The following APP variants were observed in gnomAD, a reference collection of about 807,000 sequenced individuals.
APP encodes the protein amyloid beta precursor protein.
Under a neutral mutation model 101.4 loss-of-function variants are expected in APP, and 31 were observed. That is an observed-to-expected ratio of 0.31 (90% CI 0.23 to 0.41). APP has a LOEUF of 0.41. Ranked by LOEUF, APP falls within the 10% of genes least tolerant of loss-of-function variation. The probability of loss-of-function intolerance (pLI) is 1.00; values close to 1 mark genes in which losing one functional copy is unlikely to be tolerated. For missense variants in APP, 839 were observed against 1,003.7 expected, an observed-to-expected ratio of 0.84 and a Z score of 2.22; for synonymous variants, 366 against 364.4, an observed-to-expected ratio of 1.00 and a Z score of -0.05.
chr21:26,088,988 C>A (rs1393855939), intron 3 of APP, among the ~76,000 whole-genome samples: 1 of 152,208 alleles, frequency 6.6e-6, no homozygotes, highest in Non-Finnish European at 1.5e-5. Context: ...CCATATATTA[C>A]ATAGATCTCC....
At chr21:26,129,620 C>T (rs2146268067) in intron 1 of APP, among the ~76,000 whole-genome samples, 1 of 152,188 alleles carries the variant, frequency 6.6e-6, no homozygotes, top group East Asian at 1.9e-4. Flanking sequence ...TTATCACATC[C>T]CTGGATTCCT....
chr21:26,035,592 T>C (rs996539974), intron 5 of APP, among the ~76,000 whole-genome samples: 3 of 152,332 alleles, frequency 2.0e-5, no homozygotes, highest in Non-Finnish European at 2.9e-5. Context: ...TAAGGCTTCA[T>C]TGTTTTCTCT....
At chr21:26,053,412 A>T in intron 3 of APP, 64 bp from the exon 4 acceptor site, 1 of 1,193,838 alleles carries the variant, frequency 8.4e-7, no homozygotes, top group Admixed American at 1.7e-5. Flanking sequence ...ACCGCAGAAG[A>T]CATCAAGGAA....
intron 16 of APP, among the ~76,000 whole-genome samples, chr21:25,895,355 G>A (rs2037968204): frequency 6.6e-6 from 1 of 151,950 alleles, no homozygotes; most frequent in African/African-American, 2.4e-5. Flanking sequence ...TAGTAGAGAT[G>A]GCATTTCACC....
chr21:26,047,246 A>G lies in APP; in HGVS notation c.662+3754T>C, dbSNP rs116721078. On this transcript the variant is annotated intron_variant, in intron 5 of 17. Transcript: ENST00000346798. ...AGAAAAACACTCATCTTCTATCAAAACAAGCCTCATTAACTACCAAACAAC... is the reference window on the plus strand; with the variant it reads ...AGAAAAACACTCATCTTCTATCAAAGCAAGCCTCATTAACTACCAAACAAC... Among the ~76,000 whole-genome samples, 409 of 152,338 alleles carry G rather than the reference A, an allele frequency of 2.7e-3. 1 individual carries two copies. Among genetic ancestry groups the G allele is most frequent in the African/African-American group, 9.5e-3 (394 of 41,582 alleles).
chr21:26,094,885 G>A (rs537039811), intron 2 of APP, among the ~76,000 whole-genome samples: 3 of 150,318 alleles, frequency 2.0e-5, no homozygotes, highest in South Asian at 2.1e-4. Flanking sequence ...TCACTCTGTC[G>A]CCCAGGTTGC....
chr21:26,160,260 A>G (rs1286181633), intron 1 of APP, among the ~76,000 whole-genome samples: 1 of 152,158 alleles, frequency 6.6e-6, no homozygotes, highest in Non-Finnish European at 1.5e-5. Flanking sequence ...ACCCTCCACA[A>G]TTCAACTAGC....
chr21:25,928,158 C>T (rs182538459), intron 13 of APP, among the ~76,000 whole-genome samples: 7 of 151,562 alleles, frequency 4.6e-5, no homozygotes, highest in African/African-American at 9.7e-5. Flanking sequence ...TCCTGGCTAA[C>T]GAGGTGAAAT....
intron 13 of APP, chr21:25,942,413 GAAAA>G (rs2040613981): frequency 1.3e-5 from 2 of 152,168 alleles, no homozygotes; most frequent in Non-Finnish European, 2.9e-5. Context: ...TGAACGAGCT[GAAAA>G]CTAAGATTCT....
chr21:26,010,361 A>G (rs1229082205), intron 6 of APP, among the ~76,000 whole-genome samples: 1 of 152,194 alleles, frequency 6.6e-6, no homozygotes, highest in Non-Finnish European at 1.5e-5. Flanking sequence ...TACATTACAC[A>G]TTTTATCAAA....
intron 7 of APP, among the ~76,000 whole-genome samples, chr21:25,998,393 A>G (rs893687473): frequency 9.3e-5 from 14 of 150,992 alleles, no homozygotes; most frequent in Non-Finnish European, 1.6e-4. Context: ...AGAGCCAGAA[A>G]AAAAAAAAAA....
intron 5 of APP, 68 bp from the exon 6 acceptor site, chr21:26,022,110 C>T (rs1453643909): frequency 2.6e-6 from 4 of 1,567,334 alleles, no homozygotes; most frequent in South Asian, 2.2e-5. Flanking sequence ...AAAGAAAAGT[C>T]GTCCATATGG....
At chr21:26,099,036 G>T (rs1049709801) in intron 2 of APP, among the ~76,000 whole-genome samples, 1 of 152,050 alleles carries the variant, frequency 6.6e-6, no homozygotes, top group Non-Finnish European at 1.5e-5. Context: ...AGATGGGAGG[G>T]TTCATTTTAC....
rs377605504 is a variant in APP at position 25,974,670 on chromosome 21, T to G, written c.1458+400A>C. Among the ~76,000 whole-genome samples the G allele has an allele frequency of 8.5e-5, 13 of 152,356 alleles. No individual in the cohort carries two copies. In the South Asian group the frequency reaches 2.7e-3, roughly 32 times the overall value. ...GCAACTGTGAGAAATAAACTTCTGT[T>G]GCTGATAAGGTACCCAGTCTATGGT... On this transcript the variant is annotated intron_variant, in intron 11 of 17. Coordinates refer to ENST00000346798, the MANE Select transcript of APP (RefSeq NM_000484.4).
chr21:26,049,154 G>C (rs890220722), intron 5 of APP, among the ~76,000 whole-genome samples: 2 of 152,174 alleles, frequency 1.3e-5, no homozygotes, highest in African/African-American at 4.8e-5. Context: ...AGAATTATCT[G>C]GGAGGAGGGT....
chr21:26,063,220 G>A (rs2046339881), intron 3 of APP, among the ~76,000 whole-genome samples: 1 of 152,168 alleles, frequency 6.6e-6, no homozygotes, highest in Non-Finnish European at 1.5e-5. Flanking sequence ...GGATGAACTT[G>A]TATTTAGCTT....
intron 11 of APP, among the ~76,000 whole-genome samples, chr21:25,968,320 A>ATT (rs2041875216): frequency 7.0e-6 from 1 of 142,192 alleles, no homozygotes; most frequent in African/African-American, 2.7e-5. Context: ...AATTAAAAAA[A>ATT]TCTTTTTTTT....
In APP at chr21:25,881,711, C is replaced by T; in HGVS notation, c.2272G>A (p.Glu758Lys). Reference sequence around the variant, plus strand: ...TCAAAGAACTTGTAGGTTGGATTTTCGTAGCCGTTCTGCTGCATCTTGGAC... The same window carrying T: ...TCAAAGAACTTGTAGGTTGGATTTTTGTAGCCGTTCTGCTGCATCTTGGAC... The part of the protein sequence containing the change: ...HLSKMQQNGY[E>K]NPTYKFFEQM... The change falls in exon 18 of 18, where the codon GAA becomes AAA. Residue 758 changes from glutamate to lysine, a missense_variant. Physicochemically the swap from Glu to Lys is moderately conservative, Grantham distance 56 (BLOSUM62 1). Transcript: ENST00000346798. The T allele has an allele frequency of 6.2e-7, 1 of 1,613,970 alleles. No homozygotes were observed. The highest frequency in any genetic ancestry group is 8.5e-7 in the Non-Finnish European group (1 of 1,180,032).
intron 15 of APP, among the ~76,000 whole-genome samples, chr21:25,902,224 CA>C (rs2038538133): frequency 6.6e-6 from 1 of 152,104 alleles, no homozygotes; most frequent in South Asian, 2.1e-4. Flanking sequence ...AGTGATTATT[CA>C]AAAACAATGC....
Sources: allele counts gnomAD v4.1 joint callset (sites outside exome capture counted in the v4.1 genomes callset), GRCh38; gene constraint gnomAD v4.1.1; transcripts MANE v1.5; gene names NCBI Gene and HGNC (gene_info 2026-07-23, HGNC 2026-07-21).